COL5A2: variants seen among roughly 807,000 people sequenced by gnomAD.
COL5A2 encodes the protein collagen alpha-2(V) chain.
Under a neutral mutation model 208.2 loss-of-function variants are expected in COL5A2, and 23 were observed. The observed-to-expected ratio is 0.11, with a 90% CI of 0.08 to 0.16. COL5A2 has a LOEUF of 0.16. Among genes scored for constraint, COL5A2 ranks in the 10% least tolerant of loss-of-function variants. The pLI, the probability that COL5A2 is intolerant of heterozygous loss-of-function variation, is 1.00. For missense variants in COL5A2, 1,590 were observed against 1,956.4 expected (o/e 0.81, Z 3.53); for synonymous variants, 625 against 628.5 (o/e 0.99, Z 0.08).
At chr2:189,056,423 C>T (rs796210787) in intron 35 of COL5A2, among the ~76,000 whole-genome samples, 3 of 152,194 alleles carry the variant, frequency 2.0e-5, no homozygotes, top group Non-Finnish European at 2.9e-5. Context: ...AAAGACCTAA[C>T]GCTTGTTAAA....
chr2:189,176,157 G>A (rs1688674963), intron 1 of COL5A2, among the ~76,000 whole-genome samples: 1 of 152,280 alleles, frequency 6.6e-6, no homozygotes, highest in South Asian at 2.1e-4. Context: ...ATAAGACTGT[G>A]AGCCCCTCAT....
intron 1 of COL5A2, among the ~76,000 whole-genome samples, chr2:189,171,657 T>A (rs541837941): frequency 1.3e-5 from 2 of 152,202 alleles, no homozygotes; most frequent in African/African-American, 2.4e-5. Flanking sequence ...GCCAATAAAT[T>A]AAGTTTTGGA....
the COL5A2 span, among the ~76,000 whole-genome samples, chr2:189,323,462 C>G: frequency 6.6e-6 from 1 of 152,150 alleles, no homozygotes; most frequent in Non-Finnish European, 1.5e-5. Flanking sequence ...TGATAAGCAA[C>G]TTCAGCAAAG....
At chr2:189,127,092 T>G (rs772988583) in intron 1 of COL5A2, among the ~76,000 whole-genome samples, 4 of 152,118 alleles carry the variant, frequency 2.6e-5, no homozygotes, top group Non-Finnish European at 5.9e-5. Context: ...GGGATACCTT[T>G]TCTTGTGGAA....
At chr2:189,378,719 G>A in the COL5A2 span, among the ~76,000 whole-genome samples, 3 of 138,334 alleles carry the variant, frequency 2.2e-5, no homozygotes, top group East Asian at 4.1e-4. Context: ...GCGAGACTCC[G>A]TCTCAACAAA....
chr2:189,143,235 C>T (rs1468913370), intron 1 of COL5A2, among the ~76,000 whole-genome samples: 3 of 152,160 alleles, frequency 2.0e-5, no homozygotes, highest in Non-Finnish European at 4.4e-5. Flanking sequence ...TCCAAGCTCT[C>T]CTTGTCATAC....
the COL5A2 span, among the ~76,000 whole-genome samples, chr2:189,268,232 G>C: frequency 6.6e-6 from 1 of 152,116 alleles, no homozygotes; most frequent in Non-Finnish European, 1.5e-5. Flanking sequence ...AGAGTTCTAA[G>C]AAAATTGGCA....
At chr2:189,315,869 A>G in the COL5A2 span, among the ~76,000 whole-genome samples, 2 of 152,150 alleles carry the variant, frequency 1.3e-5, no homozygotes, top group Admixed American at 6.5e-5. Context: ...GCTCAATATC[A>G]CTGATCACTA....
chr2:189,109,048 G>A (rs1687208283), intron 2 of COL5A2, among the ~76,000 whole-genome samples: 1 of 149,764 alleles, frequency 6.7e-6, no homozygotes, highest in Non-Finnish European at 1.5e-5. Context: ...TTTCTGGTGT[G>A]TTATCTCGTA....
chr2:189,379,047 G>A, the COL5A2 span, among the ~76,000 whole-genome samples: 3 of 152,044 alleles, frequency 2.0e-5, no homozygotes, highest in Non-Finnish European at 4.4e-5. Flanking sequence ...TGGGAAAGTA[G>A]TTCTAAATTC....
chr2:189,154,846 A>C (rs1371852291), intron 1 of COL5A2, among the ~76,000 whole-genome samples: 6 of 152,196 alleles, frequency 3.9e-5, no homozygotes, highest in African/African-American at 1.4e-4. Flanking sequence ...ACTTTTGTAT[A>C]TATTTTACCT....
chr2:189,363,613 C>A, the COL5A2 span, among the ~76,000 whole-genome samples: 1 of 151,838 alleles, frequency 6.6e-6, no homozygotes, highest in Non-Finnish European at 1.5e-5. Flanking sequence ...AATTTAAATT[C>A]AATGAATTCA....
intron 1 of COL5A2, among the ~76,000 whole-genome samples, chr2:189,174,367 G>C (rs1466965740): frequency 6.6e-6 from 1 of 152,142 alleles, no homozygotes; most frequent in African/African-American, 2.4e-5. Context: ...CACCATGAGG[G>C]GTATTTGGGC....
At chr2:189,326,347 T>C in the COL5A2 span, among the ~76,000 whole-genome samples, 1 of 152,072 alleles carries the variant, frequency 6.6e-6, no homozygotes, top group East Asian at 1.9e-4. Context: ...GGCAAAGATG[T>C]AGAAAGAAAA....
At chr2:189,038,941 G>A (rs555543714) in intron 51 of COL5A2, among the ~76,000 whole-genome samples, 7 of 152,054 alleles carry the variant, frequency 4.6e-5, no homozygotes, top group East Asian at 1.9e-4. Flanking sequence ...AGCCCACCTC[G>A]GCCTCCCAAA....
At chr2:189,099,083 G>C (rs1425638959) in intron 4 of COL5A2, among the ~76,000 whole-genome samples, 1 of 152,036 alleles carries the variant, frequency 6.6e-6, no homozygotes, top group Non-Finnish European at 1.5e-5. Flanking sequence ...GATCTTAAGT[G>C]GAAACTTAAA....
intron 1 of COL5A2, among the ~76,000 whole-genome samples, chr2:189,174,291 T>C (rs1233411567): frequency 3.9e-5 from 6 of 152,178 alleles, no homozygotes; most frequent in Admixed American, 3.3e-4. Context: ...ATGAAAAACA[T>C]GCATTCACCT....
chr2:189,130,363 T>G (rs1444357733), intron 1 of COL5A2, among the ~76,000 whole-genome samples: 1 of 152,058 alleles, frequency 6.6e-6, no homozygotes, highest in African/African-American at 2.4e-5. Flanking sequence ...CTTTACAAAT[T>G]TATTTACTGA....
the COL5A2 span, among the ~76,000 whole-genome samples, chr2:189,329,413 G>A: frequency 5.9e-5 from 9 of 152,250 alleles, no homozygotes; most frequent in Non-Finnish European, 8.8e-5. Flanking sequence ...GTACAGCATG[G>A]TGACTATAGT....
Sources: allele counts gnomAD v4.1 joint callset (sites outside exome capture counted in the v4.1 genomes callset), GRCh38; gene constraint gnomAD v4.1.1; transcripts MANE v1.5; gene names NCBI Gene and HGNC (gene_info 2026-07-23, HGNC 2026-07-21).